Variants in RBFOX1 observed in about 807,000 individuals in gnomAD.
RBFOX1 encodes RNA binding fox-1 homolog 1.
In RBFOX1, 8 loss-of-function variants were observed where a neutral mutation model predicts 57.7. The observed-to-expected ratio is 0.14, with a 90% CI of 0.08 to 0.25. The LOEUF (loss-of-function observed/expected upper bound fraction) is 0.25. Among genes scored for constraint, RBFOX1 ranks in the 10% least tolerant of loss-of-function variants. RBFOX1 has a pLI of 1.00. For missense variants in RBFOX1, 611 were observed against 548.5 expected (o/e 1.11, Z -1.14); for synonymous variants, 326 against 222.4 (o/e 1.47, Z -4.15).
intron 2 of RBFOX1, among the ~76,000 whole-genome samples, chr16:6,636,988 C>A (rs1311103788): frequency 8.3e-6 from 1 of 121,130 alleles, no homozygotes; most frequent in African/African-American, 3.3e-5. Flanking sequence ...GTATATGTAT[C>A]ATTATGTATA....
rs146670360 is a variant in RBFOX1, at chr16:5,381,224, G to T, written c.220-85992G>T. On this transcript the variant is annotated intron_variant, in intron 1 of 2. Coordinates refer to the RBFOX1 transcript ENST00000585867. ...AGAGAGAGACTCAGTAAAAGGCAGGGCAGACCCTATGCCCTTGGGTGAGTC... is the reference window on the plus strand; with the variant it reads ...AGAGAGAGACTCAGTAAAAGGCAGGTCAGACCCTATGCCCTTGGGTGAGTC... 7.2e-3 allele frequency among the ~76,000 whole-genome samples: 1,102 copies of T among 152,304 alleles called. 6 individuals carry two copies. Among genetic ancestry groups the T allele is most frequent in the Non-Finnish European group, 0.012 (792 of 68,030 alleles).
At chr16:5,331,384 A>G (rs1392656975) in intron 1 of RBFOX1, among the ~76,000 whole-genome samples, 7 of 152,236 alleles carry the variant, frequency 4.6e-5, no homozygotes, top group Non-Finnish European at 1.0e-4. Flanking sequence ...GTATCAGCTG[A>G]AAATGGGCTG....
intron 6 of RBFOX1, among the ~76,000 whole-genome samples, chr16:7,586,404 T>C (rs1166301923): frequency 6.6e-6 from 1 of 152,230 alleles, no homozygotes; most frequent in Non-Finnish European, 1.5e-5. Flanking sequence ...TTGCTTGATG[T>C]ACATTTCTCA....
intron 1 of RBFOX1, among the ~76,000 whole-genome samples, chr16:5,255,203 C>G (rs1172897725): frequency 2.0e-5 from 3 of 152,138 alleles, no homozygotes; most frequent in Admixed American, 6.5e-5. Flanking sequence ...GGCAAGCCCC[C>G]TTGCCCACCC....
chr16:6,634,293 G>A (rs1567971079), intron 2 of RBFOX1, among the ~76,000 whole-genome samples: 1 of 151,994 alleles, frequency 6.6e-6, no homozygotes, highest in Non-Finnish European at 1.5e-5. Context: ...GATTGGCTGA[G>A]TCCCTCAGAT....
intron 3 of RBFOX1, among the ~76,000 whole-genome samples, chr16:5,690,864 A>G (rs2050655385): frequency 6.6e-6 from 1 of 151,994 alleles, no homozygotes; most frequent in Admixed American, 6.6e-5. Flanking sequence ...CCCAGTTTTT[A>G]TTTCTACTTA....
intron 3 of RBFOX1, among the ~76,000 whole-genome samples, chr16:6,703,254 A>T (rs1047567912): frequency 2.0e-5 from 3 of 152,002 alleles, no homozygotes; most frequent in Non-Finnish European, 4.4e-5. Flanking sequence ...ATTTATTATT[A>T]TTACAGAGCT....
At chr16:7,702,303 C>A (rs1402155620) in intron 14 of RBFOX1, among the ~76,000 whole-genome samples, 7 of 152,168 alleles carry the variant, frequency 4.6e-5, no homozygotes, top group Admixed American at 2.6e-4. Context: ...ATATTCTGGG[C>A]TACATTTCTT....
At chr16:7,249,125 G>C (rs1370066747) in intron 4 of RBFOX1, among the ~76,000 whole-genome samples, 1 of 152,140 alleles carries the variant, frequency 6.6e-6, no homozygotes, top group East Asian at 1.9e-4. Context: ...GGAAAGGAAG[G>C]AATCAATGCT....
chr16:7,103,051 C>T (rs895870389), intron 4 of RBFOX1, among the ~76,000 whole-genome samples: 2 of 147,096 alleles, frequency 1.4e-5, no homozygotes, highest in African/African-American at 2.5e-5. Flanking sequence ...ACATTTAATT[C>T]CCTAATTCTA....
chr16:5,424,919 CTTTCTT>C (rs1555514798), intron 1 of RBFOX1, among the ~76,000 whole-genome samples: 6 of 96,692 alleles, frequency 6.2e-5, no homozygotes, highest in African/African-American at 2.8e-4. Context: ...TTCTTTCTTT[CTTTCTT>C]TCTTTCTTTC....
At chr16:6,393,180 C>T (rs530373663) in intron 2 of RBFOX1, among the ~76,000 whole-genome samples, 150 of 152,200 alleles carry the variant, frequency 9.9e-4, no homozygotes, top group South Asian at 3.9e-3. Flanking sequence ...TGAATTTTAC[C>T]CCTCCATCTG....
intron 4 of RBFOX1, among the ~76,000 whole-genome samples, chr16:5,899,541 C>T (rs536954355): frequency 2.6e-5 from 4 of 152,160 alleles, no homozygotes; most frequent in Non-Finnish European, 4.4e-5. Flanking sequence ...GTGAATTCCA[C>T]GGGTTTCACA....
Position 5,735,511 on chromosome 16 carries a change from C to T in RBFOX1, c.319-131792C>T, listed in dbSNP as rs552459984. ...CCACCCTTCAGTTCCTTCCCGCTTC[C>T]GCATCTTGACCCTTCTCCTGTTTTG... On this transcript the variant is annotated intron_variant, in intron 3 of 19. Transcript: ENST00000641259. Among the ~76,000 whole-genome samples the T allele has an allele frequency of 1.1e-4, 16 of 152,318 alleles. No individual in the cohort carries two copies. The East Asian group carries it at 1.2e-3, about 11-fold the overall frequency.
chr16:7,404,916 G>A, intron 4 of RBFOX1, among the ~76,000 whole-genome samples: 1 of 152,164 alleles, frequency 6.6e-6, no homozygotes, highest in East Asian at 1.9e-4. Flanking sequence ...TATTTCCAGT[G>A]AGTAGATATG....
intron 3 of RBFOX1, among the ~76,000 whole-genome samples, chr16:6,895,386 C>T (rs941133576): frequency 3.6e-5 from 5 of 140,796 alleles, no homozygotes; most frequent in African/African-American, 5.3e-5. Context: ...TTACCCTCTT[C>T]GTCTGCCTCA....
At chr16:7,547,362 T>C (rs1023235942) in intron 5 of RBFOX1, among the ~76,000 whole-genome samples, 1 of 152,204 alleles carries the variant, frequency 6.6e-6, no homozygotes, top group African/African-American at 2.4e-5. Flanking sequence ...ATTGTGTCAG[T>C]TGGCACCACA....
intron 1 of RBFOX1, among the ~76,000 whole-genome samples, chr16:5,334,894 G>C (rs1447014241): frequency 6.6e-6 from 1 of 151,886 alleles, no homozygotes; most frequent in Non-Finnish European, 1.5e-5. Context: ...TAGTTTTGCT[G>C]TTATCAGTGA....
At chr16:7,260,006 T>C (rs1376077824) in intron 4 of RBFOX1, among the ~76,000 whole-genome samples, 1 of 152,198 alleles carries the variant, frequency 6.6e-6, no homozygotes, top group African/African-American at 2.4e-5. Flanking sequence ...TTTTGTGCAA[T>C]GTGTGGCTTG....
Sources: gnomAD v4.1 joint callset for allele counts (sites outside exome capture counted in the v4.1 genomes callset) on GRCh38, gnomAD v4.1.1 for gene constraint, MANE v1.5 for transcripts, NCBI Gene and HGNC (gene_info 2026-07-23, HGNC 2026-07-21) for gene names.